The following NUDCD1 variants were observed in gnomAD, a reference collection of about 807,000 sequenced individuals.
The protein encoded by NUDCD1 is nudC domain-containing protein 1.
In NUDCD1, 60 loss-of-function variants were observed where a neutral mutation model predicts 67.8. The observed-to-expected ratio is 0.88, with a 90% CI of 0.72 to 1.10. The LOEUF (loss-of-function observed/expected upper bound fraction) is 1.10. Among genes scored for constraint, NUDCD1 ranks in the 50% least tolerant of loss-of-function variants. The probability of loss-of-function intolerance (pLI) is 0.00; values close to 1 mark genes in which losing one functional copy is unlikely to be tolerated. For missense variants in NUDCD1, 643 were observed against 695.0 expected (o/e 0.93, Z 0.84); for synonymous variants, 244 against 230.8 (o/e 1.06, Z -0.52).
At chr8:109,333,521 C>T (rs1371303263) in intron 1 of NUDCD1, among the ~76,000 whole-genome samples, 2 of 152,184 alleles carry the variant, frequency 1.3e-5, no homozygotes, top group Non-Finnish European at 2.9e-5. Flanking sequence ...TCTCAACGCA[C>T]ACGTTCACAA....
chr8:109,248,747 T>C (rs1259202884), intron 8 of NUDCD1, among the ~76,000 whole-genome samples: 2 of 151,778 alleles, frequency 1.3e-5, no homozygotes, highest in African/African-American at 4.8e-5. Context: ...CACATTGCCT[T>C]AAATGGCATT....
At chr8:109,269,925 T>C (rs1442425669) in intron 8 of NUDCD1, among the ~76,000 whole-genome samples, 1 of 134,092 alleles carries the variant, frequency 7.5e-6, no homozygotes, top group African/African-American at 2.9e-5. Context: ...TAAGAAGGAA[T>C]ATCTAATAAG....
At chr8:109,259,294 G>A (rs1258290963) in intron 8 of NUDCD1, among the ~76,000 whole-genome samples, 1 of 152,200 alleles carries the variant, frequency 6.6e-6, no homozygotes, top group East Asian at 1.9e-4. Flanking sequence ...TCAGGGAACT[G>A]GTCCAAATGC....
At chr8:109,306,639 C>CA (rs1282527101) in intron 2 of NUDCD1, among the ~76,000 whole-genome samples, 6 of 151,760 alleles carry the variant, frequency 4.0e-5, no homozygotes, top group East Asian at 1.9e-4. Flanking sequence ...GAACCCCCCC[C>CA]ACCCCCGGAC....
intron 2 of NUDCD1, among the ~76,000 whole-genome samples, chr8:109,308,121 G>T (rs1185629859): frequency 6.6e-6 from 1 of 152,110 alleles, no homozygotes; most frequent in East Asian, 1.9e-4. Flanking sequence ...TGGAACAAAT[G>T]GACTTAACAG....
chr8:109,300,371 G>A (rs1814957139), intron 2 of NUDCD1, among the ~76,000 whole-genome samples: 1 of 151,986 alleles, frequency 6.6e-6, no homozygotes, highest in Non-Finnish European at 1.5e-5. Flanking sequence ...GAAGTGAAAG[G>A]GGAAATATTC....
At chr8:109,296,895 G>A (rs1293498236) in intron 2 of NUDCD1, among the ~76,000 whole-genome samples, 1 of 152,184 alleles carries the variant, frequency 6.6e-6, no homozygotes, top group Non-Finnish European at 1.5e-5. Context: ...CACATGGGGA[G>A]GAAATGATGG....
At chr8:109,317,993 T>C (rs897245513) in intron 2 of NUDCD1, among the ~76,000 whole-genome samples, 23 of 152,242 alleles carry the variant, frequency 1.5e-4, no homozygotes, top group Non-Finnish European at 1.3e-4. Context: ...TGAACTTATA[T>C]GTAGAAGTAT....
Position 109,293,535 on chromosome 8 carries a change from A to T in NUDCD1, c.460-11T>A. ...TTCATTAAACATAATCTACAAAACA[A>T]AATTACACACACAAAAAAGTGTACA... On this transcript the variant is annotated splice_polypyrimidine_tract_variant and intron_variant, in intron 3 of 9. Coordinates refer to ENST00000239690, the MANE Select transcript of NUDCD1 (RefSeq NM_032869.4). 1 of 1,446,762 alleles carries T rather than the reference A, an allele frequency of 6.9e-7. No individual in the cohort carries two copies. The highest frequency in any genetic ancestry group is 1.4e-5 in the South Asian group (1 of 73,528). The allele number at this position is 1,446,762 out of a possible 1,614,324, so 89.6% of individuals were successfully genotyped here.
intron 2 of NUDCD1, among the ~76,000 whole-genome samples, chr8:109,319,306 A>G (rs1815477547): frequency 6.6e-6 from 1 of 152,132 alleles, no homozygotes; most frequent in Non-Finnish European, 1.5e-5. Context: ...GGTTAATTGG[A>G]ACACGGCCAC....
At chr8:109,324,682 TAAAG>T (rs2130140098) in intron 1 of NUDCD1, among the ~76,000 whole-genome samples, 1 of 152,080 alleles carries the variant, frequency 6.6e-6, no homozygotes, top group South Asian at 2.1e-4. Flanking sequence ...GATGAACAGA[TAAAG>T]AAAATGTAGT....
intron 6 of NUDCD1, among the ~76,000 whole-genome samples, chr8:109,277,220 G>A (rs751707862): frequency 6.6e-6 from 1 of 152,036 alleles, no homozygotes; most frequent in Non-Finnish European, 1.5e-5. Flanking sequence ...AAACAGTCTG[G>A]CTCTAAGTCC....
intron 4 of NUDCD1, among the ~76,000 whole-genome samples, chr8:109,292,989 A>C (rs1478342995): frequency 6.6e-6 from 1 of 152,042 alleles, no homozygotes; most frequent in Admixed American, 6.6e-5. Flanking sequence ...ATTATACTAT[A>C]ATGTATTAAT....
At chr8:109,275,314 G>T in intron 7 of NUDCD1, 38 bp downstream of exon 7, 3 of 1,580,232 alleles carry the variant, frequency 1.9e-6, no homozygotes, top group East Asian at 4.5e-5. Context: ...CATATTTTTG[G>T]ACCCTTGGAA....
intron 8 of NUDCD1, among the ~76,000 whole-genome samples, chr8:109,264,927 A>T (rs1474996712): frequency 2.0e-5 from 3 of 151,554 alleles, no homozygotes; most frequent in Admixed American, 6.6e-5. Flanking sequence ...TTATTATTTT[A>T]AAATGAATAT....
At chr8:109,333,658 T>TG (rs1815869882) in intron 1 of NUDCD1, among the ~76,000 whole-genome samples, 1 of 152,132 alleles carries the variant, frequency 6.6e-6, no homozygotes, top group Non-Finnish European at 1.5e-5. Flanking sequence ...CCTCAGAGGC[T>TG]GGGCTGCTGA....
At chr8:109,272,149 T>G (rs915938382) in intron 7 of NUDCD1, among the ~76,000 whole-genome samples, 30 of 152,196 alleles carry the variant, frequency 2.0e-4, no homozygotes, top group Admixed American at 1.3e-3. Flanking sequence ...ATGAAAGACC[T>G]GTTTTTCACA....
At chr8:109,266,294 C>A (rs1463685885) in intron 8 of NUDCD1, among the ~76,000 whole-genome samples, 1 of 151,434 alleles carries the variant, frequency 6.6e-6, no homozygotes, top group Non-Finnish European at 1.5e-5. Flanking sequence ...GGCGCGATCT[C>A]GGCTCACTGC....
chr8:109,247,737 T>C (rs921222619), intron 8 of NUDCD1, among the ~76,000 whole-genome samples: 1 of 152,194 alleles, frequency 6.6e-6, no homozygotes, highest in Non-Finnish European at 1.5e-5. Context: ...CAACCATCAG[T>C]TGCTCTCAGA....
Sources: gnomAD v4.1 joint callset for allele counts (sites outside exome capture counted in the v4.1 genomes callset) on GRCh38, gnomAD v4.1.1 for gene constraint, MANE v1.5 for transcripts, NCBI Gene and HGNC (gene_info 2026-07-23, HGNC 2026-07-21) for gene names.